Variants in WWOX observed in about 807,000 individuals in gnomAD.
The protein encoded by WWOX is WW domain-containing oxidoreductase.
In WWOX, 69 loss-of-function variants were observed where a neutral mutation model predicts 46.2. The observed-to-expected ratio is 1.49, with a 90% confidence interval of 1.23 to 1.82. The LOEUF (loss-of-function observed/expected upper bound fraction) is 1.82. WWOX is among the 40% of genes most tolerant of loss of function. WWOX has a pLI of 0.00. For synonymous variants in WWOX, 359 were observed against 202.6 expected, an observed-to-expected ratio of 1.77 and a Z score of -6.56; for missense variants, 919 against 542.6, an observed-to-expected ratio of 1.69 and a Z score of -6.89.
At chr16:79,103,637 A>C (rs1255437409) in intron 8 of WWOX, among the ~76,000 whole-genome samples, 2 of 152,204 alleles carry the variant, frequency 1.3e-5, no homozygotes, top group African/African-American at 2.4e-5. Flanking sequence ...AGATCTTAAC[A>C]AATCCAGTAA....
intron 4 of WWOX, among the ~76,000 whole-genome samples, chr16:78,137,314 G>A (rs543353058): frequency 3.9e-5 from 6 of 152,230 alleles, no homozygotes; most frequent in South Asian, 4.2e-4. Flanking sequence ...CTGTTTTGAC[G>A]TCTATGCTTT....
intron 8 of WWOX, among the ~76,000 whole-genome samples, chr16:78,814,391 T>TA (rs975860484): frequency 9.4e-4 from 143 of 152,154 alleles, no homozygotes; most frequent in African/African-American, 3.2e-3. Flanking sequence ...TACTATATGT[T>TA]AAAAAATACG....
At chr16:79,141,277 C>G (rs2050084279) in intron 8 of WWOX, among the ~76,000 whole-genome samples, 2 of 152,186 alleles carry the variant, frequency 1.3e-5, no homozygotes, top group African/African-American at 4.8e-5. Flanking sequence ...CCCACCTTTC[C>G]AGACCGAACG....
intron 8 of WWOX, among the ~76,000 whole-genome samples, chr16:79,098,029 GCCTGT>G (rs1196128278): frequency 8.5e-5 from 13 of 152,124 alleles, no homozygotes; most frequent in Admixed American, 8.5e-4. Flanking sequence ...CTGGAACATT[GCCTGT>G]CCAATATCTA....
At chr16:78,814,680 G>C (rs1158631510) in intron 8 of WWOX, among the ~76,000 whole-genome samples, 1 of 152,180 alleles carries the variant, frequency 6.6e-6, no homozygotes, top group East Asian at 1.9e-4. Flanking sequence ...GTGACATCCA[G>C]GGTCAAGGTT....
intron 5 of WWOX, among the ~76,000 whole-genome samples, chr16:78,386,603 G>T (rs899630831): frequency 1.3e-5 from 2 of 151,980 alleles, no homozygotes; most frequent in African/African-American, 4.8e-5. Flanking sequence ...CTTTTGCGCG[G>T]CTGAAACACA....
chr16:79,210,827 C>A (rs982506332), intron 8 of WWOX, among the ~76,000 whole-genome samples: 1 of 152,052 alleles, frequency 6.6e-6, no homozygotes, highest in African/African-American at 2.4e-5. Flanking sequence ...TAGCCACAGC[C>A]GCAACTGTTA....
intron 8 of WWOX, among the ~76,000 whole-genome samples, chr16:78,937,653 C>G (rs971607384): frequency 2.7e-5 from 4 of 150,538 alleles, no homozygotes; most frequent in Non-Finnish European, 5.9e-5. Context: ...GAGACAAGGT[C>G]TCACTCTGTC....
intron 8 of WWOX, among the ~76,000 whole-genome samples, chr16:79,108,123 G>A (rs888693027): frequency 6.6e-6 from 1 of 152,126 alleles, no homozygotes; most frequent in African/African-American, 2.4e-5. Flanking sequence ...TATAATTGGG[G>A]GGAAACCTAA....
chr16:78,245,777 C>T (rs1274177194), intron 5 of WWOX, among the ~76,000 whole-genome samples: 1 of 152,188 alleles, frequency 6.6e-6, no homozygotes, highest in Non-Finnish European at 1.5e-5. Context: ...TCTTGCGGTA[C>T]AGCGCAGACA....
At chr16:78,502,999 A>G (rs2085108396) in intron 8 of WWOX, among the ~76,000 whole-genome samples, 1 of 152,206 alleles carries the variant, frequency 6.6e-6, no homozygotes, top group Non-Finnish European at 1.5e-5. Context: ...CAGCCTCGGC[A>G]GTGTTTGTAT....
chr16:78,169,569 A>G (rs929390423), intron 5 of WWOX, among the ~76,000 whole-genome samples: 2 of 151,914 alleles, frequency 1.3e-5, no homozygotes, highest in African/African-American at 4.8e-5. Context: ...ATTCCAGTGT[A>G]GAGCTCTTGA....
intron 6 of WWOX, among the ~76,000 whole-genome samples, chr16:78,401,495 A>G (rs1043433693): frequency 6.6e-6 from 1 of 152,124 alleles, no homozygotes; most frequent in East Asian, 1.9e-4. Context: ...AACTCGCTGT[A>G]TCTTGTAACC....
intron 8 of WWOX, among the ~76,000 whole-genome samples, chr16:78,458,058 C>CA (rs11370352): frequency 0.15 from 22,759 of 148,164 alleles, 4,820 homozygotes; most frequent in African/African-American, 0.48. Flanking sequence ...GCCTGGGTGA[C>CA]AAAAAAAAAA....
At chr16:78,981,395 C>G (rs193208717) in intron 8 of WWOX, among the ~76,000 whole-genome samples, 7 of 151,896 alleles carry the variant, frequency 4.6e-5, no homozygotes, top group Non-Finnish European at 7.4e-5. Context: ...GGGCAGCTGT[C>G]CATGCAGCAC....
chr16:78,391,388 G>A lies in WWOX; in HGVS notation c.605+4440G>A, dbSNP rs117922040. ...ATTATCCCTACTTTGCAAATTACAAGGTTGCAGTGCAGAGAGCCTAAGACA... is the reference window on the plus strand; with the variant it reads ...ATTATCCCTACTTTGCAAATTACAAAGTTGCAGTGCAGAGAGCCTAAGACA... On this transcript the variant is annotated intron_variant, in intron 6 of 8. Transcript: ENST00000566780. 4.7e-3 allele frequency among the ~76,000 whole-genome samples: 719 copies of A among 152,338 alleles called. 13 individuals are homozygous for A. Among genetic ancestry groups the A allele is most frequent in the East Asian group, 0.034 (175 of 5,190 alleles).
chr16:78,676,632 C>T (rs1238051832), intron 8 of WWOX, among the ~76,000 whole-genome samples: 4 of 152,092 alleles, frequency 2.6e-5, no homozygotes, highest in African/African-American at 9.7e-5. Flanking sequence ...CTGTCAGGGG[C>T]TGGATGTTCT....
At chr16:78,631,426 A>G (rs990095373) in intron 8 of WWOX, among the ~76,000 whole-genome samples, 7 of 152,232 alleles carry the variant, frequency 4.6e-5, no homozygotes, top group Non-Finnish European at 7.3e-5. Flanking sequence ...CAAACTGCGG[A>G]AGAATTAGGA....
At chr16:78,837,690 G>A (rs532040296) in intron 8 of WWOX, among the ~76,000 whole-genome samples, 1 of 152,148 alleles carries the variant, frequency 6.6e-6, no homozygotes, top group Non-Finnish European at 1.5e-5. Flanking sequence ...GGCTGACAAA[G>A]ATTGAGTGAT....
Sources: allele counts gnomAD v4.1 joint callset (sites outside exome capture counted in the v4.1 genomes callset), GRCh38; gene constraint gnomAD v4.1.1; transcripts MANE v1.5; gene names NCBI Gene and HGNC (gene_info 2026-07-23, HGNC 2026-07-21).